USP31: variants seen among roughly 807,000 people sequenced by gnomAD.
The protein encoded by USP31 is ubiquitin specific peptidase 31.
In USP31, 44 loss-of-function variants were observed where a neutral mutation model predicts 119.4. That is an observed-to-expected ratio of 0.37 (90% CI 0.29 to 0.47). The LOEUF (loss-of-function observed/expected upper bound fraction) is 0.47, where lower values mean the gene tolerates loss of function less well. USP31 is among the 20% of genes least tolerant of loss of function. The probability of loss-of-function intolerance (pLI) is 0.99; values close to 1 mark genes in which losing one functional copy is unlikely to be tolerated. For missense variants in USP31, 1,643 were observed against 1,730.2 expected (o/e 0.95, Z 0.89); for synonymous variants, 749 against 705.6 (o/e 1.06, Z -0.97).
chr16:23,071,691 C>G (rs1900352530), intron 15 of USP31, among the ~76,000 whole-genome samples: 1 of 148,396 alleles, frequency 6.7e-6, no homozygotes, highest in Non-Finnish European at 1.5e-5. Flanking sequence ...GTGGCCTGGG[C>G]AAAGCACAAT....
chr16:23,131,353 C>G (rs1903025391), intron 1 of USP31, among the ~76,000 whole-genome samples: 1 of 152,106 alleles, frequency 6.6e-6, no homozygotes, highest in Non-Finnish European at 1.5e-5. Flanking sequence ...GACACAGGAT[C>G]TTGTTATGCT....
chr16:23,130,781 T>A (rs1002273577), intron 1 of USP31, among the ~76,000 whole-genome samples: 1 of 152,146 alleles, frequency 6.6e-6, no homozygotes, highest in Non-Finnish European at 1.5e-5. Context: ...CAGATCAAGA[T>A]ACTTCTTTGA....
At chr16:23,097,689 T>G (rs1235194843) in intron 6 of USP31, among the ~76,000 whole-genome samples, 1 of 152,224 alleles carries the variant, frequency 6.6e-6, no homozygotes, top group Non-Finnish European at 1.5e-5. Context: ...TCAATAAATG[T>G]AATCCATCAC....
Position 23,149,274 on chromosome 16 carries a change from G to A in USP31, c.-4C>T, listed in dbSNP as rs935604201. 144 of 1,078,052 alleles carry A rather than the reference G, an allele frequency of 1.3e-4. No individual in the cohort carries two copies. The highest frequency in any genetic ancestry group is 1.6e-4 in the Admixed American group (3 of 18,480). The allele number at this position is 1,078,052 out of a possible 1,614,324, so 66.8% of individuals were successfully genotyped here. On this transcript the variant is annotated 5_prime_UTR_variant, in exon 1 of 16. Transcript: ENST00000219689. The stretch of plus-strand genomic sequence containing the variant: ...CAGGCGCCGTTACCTTGGACATGGC[G>A]GCGGCCGCAGACACTCATCACCGCG...
At position 23,084,932 on chromosome 16, in the gene USP31, T is replaced by C. The variant is rs777761434; in HGVS notation, c.1758A>G (p.Gln586=). 2 of 1,614,090 alleles carry C rather than the reference T, an allele frequency of 1.2e-6. No homozygotes were observed. The highest frequency in any genetic ancestry group is 2.2e-5 in the South Asian group (2 of 91,072). The change falls in exon 11 of 16, where the codon CAA becomes CAG. Residue 586 remains glutamine (Q), a synonymous_variant. Transcript: ENST00000219689. ...YIPDAESVRL[Q]RERHHQPQTC... ...TTTGAGGCTGATGATGACGCTCCCT[T>C]TGCAGACGAACACTTTCTGCATCAG...
intron 1 of USP31, among the ~76,000 whole-genome samples, chr16:23,133,482 A>T (rs944637863): frequency 1.3e-5 from 2 of 152,182 alleles, no homozygotes; most frequent in African/African-American, 4.8e-5. Context: ...TAGGAAACCG[A>T]ATCATTTTGC....
chr16:23,108,465 A>C (rs1902197454), intron 1 of USP31, among the ~76,000 whole-genome samples: 1 of 152,238 alleles, frequency 6.6e-6, no homozygotes, highest in Non-Finnish European at 1.5e-5. Context: ...ATATTAATCA[A>C]GGTTTATAAA....
intron 1 of USP31, 74 bp from the exon 2 acceptor site, chr16:23,108,257 G>A (rs1184333553): frequency 4.6e-6 from 7 of 1,512,336 alleles, no homozygotes; most frequent in South Asian, 2.7e-5. Flanking sequence ...ATTCATAATC[G>A]CAAAAGGGAT....
Position 23,108,082 on chromosome 16 carries a change from G to T in USP31, c.735C>A (p.Asn245Lys), listed in dbSNP as rs1446377934. The T allele has an allele frequency of 6.2e-7, 1 of 1,613,918 alleles. No individual in the cohort carries two copies. The highest frequency in any genetic ancestry group is 1.3e-5 in the African/African-American group (1 of 74,904). Residue 245 changes from asparagine to lysine, a missense_variant, in exon 2 of 16, where the codon AAC becomes AAA. Transcript: ENST00000219689. ...GCTGGCCACTCTGCTTCACTGAATG[G>T]TTGAGGTCTTCATGAACTCGGTCCA... is the stretch of plus-strand genomic sequence containing the variant. ...WLLDRVHEDLNHSVKQSGQPP... is the reference protein window; with the variant it reads ...WLLDRVHEDLKHSVKQSGQPP...
intron 5 of USP31, among the ~76,000 whole-genome samples, chr16:23,105,213 GT>G (rs1902046105): frequency 6.6e-6 from 1 of 152,220 alleles, no homozygotes; most frequent in Non-Finnish European, 1.5e-5. Flanking sequence ...AGGTCTTGGT[GT>G]AAAGTCACAG....
intron 1 of USP31, among the ~76,000 whole-genome samples, chr16:23,134,297 G>C (rs1409490431): frequency 6.6e-6 from 1 of 152,076 alleles, no homozygotes; most frequent in Non-Finnish European, 1.5e-5. Flanking sequence ...TAAATACAGA[G>C]AAACCTTTTG....
chr16:23,072,373 G>C, intron 14 of USP31, 176 bp from the exon 15 acceptor site: 3 of 812,712 alleles, frequency 3.7e-6, no homozygotes, highest in Non-Finnish European at 5.9e-6. Flanking sequence ...AATATCCCCA[G>C]TTAAGATGAA....
intron 1 of USP31, among the ~76,000 whole-genome samples, chr16:23,114,995 G>A (rs958809068): frequency 2.6e-5 from 4 of 152,228 alleles, no homozygotes; most frequent in Admixed American, 2.0e-4. Flanking sequence ...AGCAGTAGGA[G>A]TCAAGAATCC....
chr16:23,106,584 C>A, intron 2 of USP31, 97 bp from the exon 3 acceptor site: 1 of 1,219,682 alleles, frequency 8.2e-7, no homozygotes, highest in Non-Finnish European at 1.1e-6. Flanking sequence ...ACTTCCTTTA[C>A]AAGCTATGCA....
chr16:23,127,424 A>G (rs1320927156), intron 1 of USP31, among the ~76,000 whole-genome samples: 2 of 152,200 alleles, frequency 1.3e-5, no homozygotes, highest in South Asian at 2.1e-4. Flanking sequence ...ATCTCAAAGA[A>G]AAAAAAGAAA....
intron 1 of USP31, among the ~76,000 whole-genome samples, chr16:23,121,777 T>C (rs1325680503): frequency 6.6e-6 from 1 of 151,912 alleles, no homozygotes; most frequent in East Asian, 1.9e-4. Flanking sequence ...TTAACAATGC[T>C]AGTGGTAAAA....
intron 1 of USP31, among the ~76,000 whole-genome samples, chr16:23,145,833 T>C (rs1435339232): frequency 6.6e-6 from 1 of 152,228 alleles, no homozygotes; most frequent in Non-Finnish European, 1.5e-5. Context: ...TTAGGGATTT[T>C]CCTTTCTTGG....
chr16:23,148,548 G>A (rs1903599106), intron 1 of USP31, 90 bp downstream of exon 1: 14 of 1,378,512 alleles, frequency 1.0e-5, no homozygotes, highest in Non-Finnish European at 1.3e-5. Flanking sequence ...AGCCTGCCGG[G>A]CCAAGAGGAA....
At chr16:23,123,705 G>A (rs1954913362) in intron 1 of USP31, among the ~76,000 whole-genome samples, 1 of 152,122 alleles carries the variant, frequency 6.6e-6, no homozygotes, top group Non-Finnish European at 1.5e-5. Flanking sequence ...AAGCAGATTA[G>A]AAACTGCAAA....
Sources: gnomAD v4.1 joint callset for allele counts (sites outside exome capture counted in the v4.1 genomes callset) on GRCh38, gnomAD v4.1.1 for gene constraint, MANE v1.5 for transcripts, NCBI Gene and HGNC (gene_info 2026-07-23, HGNC 2026-07-21) for gene names.